SH3GL2: variants seen among roughly 807,000 people sequenced by gnomAD.
SH3GL2 encodes the protein SH3 domain containing GRB2 like 2, endophilin A1.
SH3GL2 carries 24 observed loss-of-function variants against 46.0 expected under a neutral mutation model. That is an observed-to-expected ratio of 0.52 (90% CI 0.38 to 0.73). The LOEUF (loss-of-function observed/expected upper bound fraction) is 0.73. Among genes scored for constraint, SH3GL2 ranks in the 30% least tolerant of loss-of-function variants. The pLI, the probability that SH3GL2 is intolerant of heterozygous loss-of-function variation, is 0.00. For synonymous variants in SH3GL2, 196 were observed against 147.1 expected, an observed-to-expected ratio of 1.33 and a Z score of -2.40; for missense variants, 413 against 424.2, an observed-to-expected ratio of 0.97 and a Z score of 0.23.
chr9:17,696,175 A>G (rs1821197329), intron 1 of SH3GL2, among the ~76,000 whole-genome samples: 1 of 151,186 alleles, frequency 6.6e-6, no homozygotes, highest in Non-Finnish European at 1.5e-5. Flanking sequence ...GTCCACACTA[A>G]AGAGGACTTT....
rs538161478 is a variant in SH3GL2 at position 17,782,262 on chromosome 9, C to G, written c.188-4119C>G. 2.0e-4 allele frequency among the ~76,000 whole-genome samples: 30 copies of G among 152,070 alleles called. 1 individual carries two copies. In the South Asian group the frequency reaches 6.0e-3, roughly 31 times the overall value. On this transcript the variant is annotated intron_variant, in intron 3 of 8. Transcript: ENST00000380607. ...GTGGGACTCGTGATTTGGTGTAGGA[C>G]TCATGATTTAGCTTGGGAACTCTCT...
At chr9:17,763,148 A>C (rs1460940773) in intron 3 of SH3GL2, among the ~76,000 whole-genome samples, 1 of 152,220 alleles carries the variant, frequency 6.6e-6, no homozygotes, top group African/African-American at 2.4e-5. Context: ...AAGTAAAAAC[A>C]GTTGAAGAAT....
At chr9:17,742,183 T>C (rs1822544823) in intron 1 of SH3GL2, among the ~76,000 whole-genome samples, 1 of 152,186 alleles carries the variant, frequency 6.6e-6, no homozygotes. Context: ...AATGGCAGTT[T>C]GGAGGCACAG....
intron 1 of SH3GL2, among the ~76,000 whole-genome samples, chr9:17,648,588 C>G (rs999175515): frequency 3.7e-4 from 56 of 152,058 alleles, no homozygotes; most frequent in African/African-American, 1.3e-3. Flanking sequence ...TGAATATTTT[C>G]TTGTTGTCAT....
intron 1 of SH3GL2, among the ~76,000 whole-genome samples, chr9:17,685,711 T>A (rs1820885284): frequency 6.6e-6 from 1 of 152,032 alleles, no homozygotes; most frequent in South Asian, 2.1e-4. Flanking sequence ...GGGAATCCTT[T>A]CCCCATTGCT....
chr9:17,723,325 C>A (rs1413928522), intron 1 of SH3GL2, among the ~76,000 whole-genome samples: 4 of 152,044 alleles, frequency 2.6e-5, no homozygotes, highest in Non-Finnish European at 5.9e-5. Context: ...TGAATAAGTT[C>A]TCTGGTTGTT....
intron 1 of SH3GL2, among the ~76,000 whole-genome samples, chr9:17,656,674 C>T (rs556875006): frequency 3.6e-4 from 52 of 144,738 alleles, no homozygotes; most frequent in African/African-American, 1.3e-3. Flanking sequence ...ATGTTTTGAA[C>T]ATCTTTTATG....
chr9:17,778,640 G>A (rs1823713565), intron 3 of SH3GL2, among the ~76,000 whole-genome samples: 1 of 152,100 alleles, frequency 6.6e-6, no homozygotes, highest in African/African-American at 2.4e-5. Flanking sequence ...CTCTTCTATT[G>A]AGAGTAGATT....
At chr9:17,758,195 A>C (rs1010920541) in intron 2 of SH3GL2, among the ~76,000 whole-genome samples, 4 of 152,126 alleles carry the variant, frequency 2.6e-5, no homozygotes, top group African/African-American at 9.7e-5. Context: ...TTAATAAATT[A>C]AAGCGTTAAA....
rs142043331 is a variant in SH3GL2, at chr9:17,725,592, A to G, written c.46-21474A>G. Among the ~76,000 whole-genome samples the G allele has an allele frequency of 3.6e-3, 549 of 152,222 alleles. 6 individuals carry two copies. Among genetic ancestry groups the G allele is most frequent in the African/African-American group, 0.011 (446 of 41,552 alleles). ...TTCTCCTGCACAGAATCTCTGTGGC[A>G]CTGAGTCAGAGTTGTGGTGATGGTG... On this transcript the variant is annotated intron_variant, in intron 1 of 8. Transcript: ENST00000380607.
chr9:17,768,052 T>C (rs1371825389), intron 3 of SH3GL2, among the ~76,000 whole-genome samples: 1 of 152,144 alleles, frequency 6.6e-6, no homozygotes, highest in African/African-American at 2.4e-5. Flanking sequence ...AAACAATGAA[T>C]GCTAAAGCCA....
intron 1 of SH3GL2, among the ~76,000 whole-genome samples, chr9:17,650,432 C>T (rs1427074837): frequency 5.3e-5 from 8 of 151,992 alleles, no homozygotes; most frequent in African/African-American, 7.2e-5. Context: ...AGTGCAGTGG[C>T]GCAATCTTGG....
chr9:17,789,369 A>G (rs1588338830), intron 5 of SH3GL2, 23 bp from the exon 6 acceptor site: 8 of 1,609,622 alleles, frequency 5.0e-6, no homozygotes, highest in Middle Eastern at 1.7e-4. Context: ...TTCAAAGCCT[A>G]TTCCTGCCCT....
At chr9:17,654,178 T>C (rs1820017340) in intron 1 of SH3GL2, among the ~76,000 whole-genome samples, 1 of 152,174 alleles carries the variant, frequency 6.6e-6, no homozygotes. Context: ...TTGGAAAAAC[T>C]GATACTTTGG....
At chr9:17,702,854 A>G (rs1821372592) in intron 1 of SH3GL2, among the ~76,000 whole-genome samples, 1 of 152,042 alleles carries the variant, frequency 6.6e-6, no homozygotes, top group Non-Finnish European at 1.5e-5. Flanking sequence ...TATTAAACTA[A>G]ATTTAGACAT....
At chr9:17,756,943 C>T (rs1823011774) in intron 2 of SH3GL2, among the ~76,000 whole-genome samples, 2 of 152,210 alleles carry the variant, frequency 1.3e-5, no homozygotes, top group South Asian at 4.1e-4. Flanking sequence ...TTCCCACCAA[C>T]AGTGTAAAAG....
At chr9:17,703,687 A>T (rs1821394334) in intron 1 of SH3GL2, among the ~76,000 whole-genome samples, 1 of 152,114 alleles carries the variant, frequency 6.6e-6, no homozygotes, top group Admixed American at 6.6e-5. Context: ...ACATACACAG[A>T]ACTAAAGACA....
In SH3GL2 at chr9:17,796,429, G is replaced by T. The variant is rs943549721; in HGVS notation, c.*686G>T. On this transcript the variant is annotated 3_prime_UTR_variant, in exon 9 of 9. Transcript: ENST00000380607. ...AGTAAGACAGTTAATCAGCATTATT[G>T]TGAGAGGGACTGAAAAGAAATTCTC... 2.0e-5 allele frequency: 3 copies of T among 152,230 alleles called. No individual in the cohort carries two copies. The highest frequency in any genetic ancestry group is 7.2e-5 in the African/African-American group (3 of 41,436). The allele number at this position is 152,230 out of a possible 1,614,324, so 9.4% of individuals were successfully genotyped here.
At position 17,679,437 on chromosome 9, in the gene SH3GL2, T is replaced by G. The variant is rs528525549; in HGVS notation, c.46-67629T>G. On this transcript the variant is annotated intron_variant, in intron 1 of 8. Coordinates refer to ENST00000380607, the MANE Select transcript of SH3GL2 (RefSeq NM_003026.5). ...CTCATGATTTGGCTGTTTGTCTGTT[T>G]TTGCTGTATAAGAATGCTTGTGATT... is the stretch of plus-strand genomic sequence containing the variant. Among the ~76,000 whole-genome samples the G allele has an allele frequency of 1.2e-4, 18 of 152,200 alleles. No homozygotes were observed. In the South Asian group the frequency reaches 2.3e-3, roughly 19 times the overall value.
Sources: allele counts gnomAD v4.1 joint callset (sites outside exome capture counted in the v4.1 genomes callset), GRCh38; gene constraint gnomAD v4.1.1; transcripts MANE v1.5; gene names NCBI Gene and HGNC (gene_info 2026-07-23, HGNC 2026-07-21).